RORB: variants seen among roughly 807,000 people sequenced by gnomAD.
RORB encodes the protein RAR related orphan receptor B, also known as nuclear receptor ROR-beta.
RORB carries 6 observed loss-of-function variants against 59.1 expected under a neutral mutation model. The observed-to-expected ratio is 0.10, with a 90% CI of 0.06 to 0.20. The LOEUF (loss-of-function observed/expected upper bound fraction) is 0.20, where lower values mean the gene tolerates loss of function less well. RORB is among the 10% of genes least tolerant of loss of function. RORB has a pLI of 1.00. For synonymous variants in RORB, 215 were observed against 204.5 expected (o/e 1.05, Z -0.44); for missense variants, 320 against 560.5 (o/e 0.57, Z 4.33).
intron 6 of RORB, among the ~76,000 whole-genome samples, chr9:74,663,725 A>C (rs1297230879): frequency 3.3e-5 from 5 of 152,136 alleles, no homozygotes; most frequent in Non-Finnish European, 2.9e-5. Context: ...GCTCATTCAC[A>C]CAGCTGATGA....
At chr9:74,604,239 G>A (rs1405307486) in intron 1 of RORB, among the ~76,000 whole-genome samples, 1 of 152,164 alleles carries the variant, frequency 6.6e-6, no homozygotes, top group African/African-American at 2.4e-5. Flanking sequence ...TTTGAGGGAT[G>A]CTAACGAGCC....
At chr9:74,535,788 C>G (rs920800305) in intron 1 of RORB, among the ~76,000 whole-genome samples, 2 of 151,826 alleles carry the variant, frequency 1.3e-5, no homozygotes, top group Non-Finnish European at 2.9e-5. Context: ...ATAATGCATG[C>G]ATGTTGGAAT....
intron 2 of RORB, among the ~76,000 whole-genome samples, chr9:74,633,170 T>C (rs1485888479): frequency 1.3e-5 from 2 of 152,198 alleles, no homozygotes; most frequent in Non-Finnish European, 2.9e-5. Context: ...CTTTAAACTA[T>C]TGGGTATTTT....
At position 74,688,734 on chromosome 9, in the gene RORB, G is replaced by A. The variant is rs1376180694; in HGVS notation, c.*3116G>A. The A allele has an allele frequency of 2.0e-5, 3 of 152,202 alleles. No homozygotes were observed. The highest frequency in any genetic ancestry group is 7.2e-5 in the African/African-American group (3 of 41,454). 9.4% of individuals were successfully genotyped at this position (152,202 alleles called of 1,614,324 possible). A position where few individuals can be genotyped will look rare whatever the true frequency, so the allele number is the denominator to read the frequency against. Reference sequence around the variant, plus strand: ...AGCAGTAACTTCATGTCATAAACTAGATTGACTTATTTGGACTTGCTGAAA... The same window carrying A: ...AGCAGTAACTTCATGTCATAAACTAAATTGACTTATTTGGACTTGCTGAAA... On this transcript the variant is annotated 3_prime_UTR_variant, in exon 10 of 10. Coordinates refer to ENST00000376896, the MANE Select transcript of RORB (RefSeq NM_006914.4).
chr9:74,591,592 A>G (rs1448829302), intron 1 of RORB, among the ~76,000 whole-genome samples: 1 of 152,158 alleles, frequency 6.6e-6, no homozygotes, highest in African/African-American at 2.4e-5. Flanking sequence ...TAGTCTGATT[A>G]TTTATTTTAC....
intron 1 of RORB, among the ~76,000 whole-genome samples, chr9:74,619,705 C>T (rs980995566): frequency 6.6e-6 from 1 of 152,162 alleles, no homozygotes; most frequent in Non-Finnish European, 1.5e-5. Context: ...CCACCTCAGC[C>T]TCCCAAAGTG....
chr9:74,603,274 A>G (rs1823097143), intron 1 of RORB, among the ~76,000 whole-genome samples: 1 of 152,192 alleles, frequency 6.6e-6, no homozygotes, highest in African/African-American at 2.4e-5. Flanking sequence ...TCTTTGGTGC[A>G]ATGGCAGTGA....
At chr9:74,633,173 G>T (rs1347002905) in intron 2 of RORB, among the ~76,000 whole-genome samples, 2 of 151,984 alleles carry the variant, frequency 1.3e-5, no homozygotes, top group South Asian at 4.2e-4. Context: ...TAAACTATTG[G>T]GTATTTTTGC....
At chr9:74,498,201 GC>G in intron 1 of RORB, 1 of 607,570 alleles carries the variant, frequency 1.6e-6, no homozygotes. Context: ...ACGCGGGAGG[GC>G]GCTTTTTTGG....
intron 1 of RORB, among the ~76,000 whole-genome samples, chr9:74,594,839 A>G (rs956460312): frequency 2.0e-5 from 3 of 152,186 alleles, no homozygotes; most frequent in Admixed American, 6.5e-5. Flanking sequence ...AAGCTGCTTG[A>G]TTGATATCCC....
chr9:74,560,902 T>C (rs903515384), intron 1 of RORB, among the ~76,000 whole-genome samples: 1 of 152,266 alleles, frequency 6.6e-6, no homozygotes, highest in South Asian at 2.1e-4. Flanking sequence ...TTTGCCTTCA[T>C]TCTATCTGAA....
chr9:74,680,096 T>C (rs1453778511), intron 9 of RORB, among the ~76,000 whole-genome samples: 1 of 152,122 alleles, frequency 6.6e-6, no homozygotes, highest in Non-Finnish European at 1.5e-5. Flanking sequence ...AGCGAGACTG[T>C]GTCTCTAAAC....
chr9:74,504,287 A>G (rs1298466965), intron 1 of RORB, among the ~76,000 whole-genome samples: 2 of 152,048 alleles, frequency 1.3e-5, no homozygotes, highest in African/African-American at 4.8e-5. Flanking sequence ...TATACTCAAT[A>G]TGTCCTGCAT....
chr9:74,586,005 A>G (rs1822793467), intron 1 of RORB, among the ~76,000 whole-genome samples: 1 of 151,886 alleles, frequency 6.6e-6, no homozygotes, highest in Admixed American at 6.6e-5. Context: ...CGTGTTAGCC[A>G]GGATGGTCTC....
At chr9:74,578,450 G>A (rs963349675) in intron 1 of RORB, among the ~76,000 whole-genome samples, 1 of 152,052 alleles carries the variant, frequency 6.6e-6, no homozygotes, top group Non-Finnish European at 1.5e-5. Context: ...AGGACTTTGG[G>A]AAGTCAAAGA....
intron 1 of RORB, among the ~76,000 whole-genome samples, chr9:74,540,595 T>A (rs547295413): frequency 2.4e-4 from 36 of 152,322 alleles, no homozygotes; most frequent in African/African-American, 7.9e-4. Context: ...AGTTTGTGAT[T>A]TGGCATTTTT....
At chr9:74,625,450 C>CA (rs1823495753) in intron 1 of RORB, among the ~76,000 whole-genome samples, 1 of 152,086 alleles carries the variant, frequency 6.6e-6, no homozygotes, top group African/African-American at 2.4e-5. Flanking sequence ...TCTGTCCCTA[C>CA]AAAAAATGTA....
chr9:74,575,873 A>G (rs1822627427), intron 1 of RORB, among the ~76,000 whole-genome samples: 1 of 152,136 alleles, frequency 6.6e-6, no homozygotes, highest in South Asian at 2.1e-4. Flanking sequence ...GAGATAATGC[A>G]TGTAAAAGCA....
intron 3 of RORB, among the ~76,000 whole-genome samples, chr9:74,635,137 C>A (rs575116620): frequency 6.6e-6 from 1 of 152,202 alleles, no homozygotes; most frequent in African/African-American, 2.4e-5. Context: ...AAACCAGGAC[C>A]ACATCTGAGT....
Sources: gnomAD v4.1 joint callset for allele counts (sites outside exome capture counted in the v4.1 genomes callset) on GRCh38, gnomAD v4.1.1 for gene constraint, MANE v1.5 for transcripts, NCBI Gene and HGNC (gene_info 2026-07-23, HGNC 2026-07-21) for gene names.